The following COG5 variants were observed in gnomAD, a reference collection of about 807,000 sequenced individuals.
The protein encoded by COG5 is component of oligomeric golgi complex 5.
In COG5, 86 loss-of-function variants were observed where a neutral mutation model predicts 110.4. The ratio of observed to expected loss-of-function variants is 0.78; its 90% CI spans 0.65 to 0.93. The LOEUF (loss-of-function observed/expected upper bound fraction) is 0.93. Ranked by LOEUF, COG5 falls within the 40% of genes least tolerant of loss-of-function variation. The pLI, the probability that COG5 is intolerant of heterozygous loss-of-function variation, is 0.00. For missense variants in COG5, 1,077 were observed against 987.0 expected (o/e 1.09, Z -1.22); for synonymous variants, 360 against 334.6 (o/e 1.08, Z -0.83).
Position 107,548,282 on chromosome 7 carries a change from C to G in COG5, c.343G>C (p.Asp115His). 6.2e-7 allele frequency: 1 copy of G among 1,612,564 alleles called. No homozygotes were observed. The highest frequency in any genetic ancestry group is 8.5e-7 in the Non-Finnish European group (1 of 1,178,640). The change falls in exon 4 of 22, where the codon GAT becomes CAT. Residue 115 changes from aspartate to histidine, a missense_variant. By Grantham distance (81) the Asp-to-His change is moderately conservative (BLOSUM62 -1). Coordinates refer to ENST00000297135, the MANE Select transcript of COG5 (RefSeq NM_006348.5). Reference sequence around the variant, plus strand: ...TTATAAAATTAAGAACAGTACCTATCAACAGCTCCCTGTAAAGCCCCAATT... The same window carrying G: ...TTATAAAATTAAGAACAGTACCTATGAACAGCTCCCTGTAAAGCCCCAATT... ...TRIGALQGAV[D>H]RIKAKIVEPY...
intron 14 of COG5, among the ~76,000 whole-genome samples, chr7:107,276,811 A>G (rs1230149103): frequency 6.6e-6 from 1 of 152,232 alleles, no homozygotes; most frequent in Non-Finnish European, 1.5e-5. Context: ...CTATAGGTAT[A>G]TGTGTATTTG....
At chr7:107,512,753 A>G (rs1270892108) in intron 6 of COG5, among the ~76,000 whole-genome samples, 3 of 152,184 alleles carry the variant, frequency 2.0e-5, no homozygotes, top group Non-Finnish European at 4.4e-5. Context: ...CATATCTACA[A>G]CCATCTGATC....
intron 7 of COG5, among the ~76,000 whole-genome samples, chr7:107,397,935 G>T (rs1483234260): frequency 2.6e-5 from 4 of 151,894 alleles, no homozygotes; most frequent in African/African-American, 9.7e-5. Context: ...AAAAAAAAAG[G>T]TCTTTTTCAA....
At chr7:107,294,779 G>A (rs555981604) in intron 12 of COG5, among the ~76,000 whole-genome samples, 1 of 136,218 alleles carries the variant, frequency 7.3e-6, no homozygotes, top group South Asian at 2.3e-4. Context: ...GCAGTGGCGC[G>A]ATCTCAGCTC....
At chr7:107,556,623 C>A (rs1362952509) in intron 2 of COG5, among the ~76,000 whole-genome samples, 1 of 152,192 alleles carries the variant, frequency 6.6e-6, no homozygotes, top group Admixed American at 6.5e-5. Context: ...TTACACTGTT[C>A]TATTTAAAAC....
intron 19 of COG5, among the ~76,000 whole-genome samples, chr7:107,225,425 A>G (rs1005015789): frequency 6.6e-6 from 1 of 152,042 alleles, no homozygotes; most frequent in Admixed American, 6.5e-5. Context: ...TAAAAACCCT[A>G]AAAAAAACCC....
intron 18 of COG5, among the ~76,000 whole-genome samples, chr7:107,233,927 C>T (rs957320659): frequency 4.6e-5 from 7 of 152,128 alleles, no homozygotes; most frequent in Middle Eastern, 3.4e-3. Flanking sequence ...CCAAACCAAA[C>T]GAAATAAAAC....
At chr7:107,322,248 A>G (rs1361009114) in intron 11 of COG5, among the ~76,000 whole-genome samples, 1 of 152,194 alleles carries the variant, frequency 6.6e-6, no homozygotes, top group Non-Finnish European at 1.5e-5. Context: ...CTCATGAATG[A>G]GATTAGTGCA....
chr7:107,410,237 TA>T (rs1792181503), intron 7 of COG5, among the ~76,000 whole-genome samples: 1 of 152,220 alleles, frequency 6.6e-6, no homozygotes, highest in African/African-American at 2.4e-5. Flanking sequence ...ATCTGTGTTT[TA>T]ACCAGTCCTC....
chr7:107,291,462 C>T (rs1032260263), intron 12 of COG5, among the ~76,000 whole-genome samples: 2 of 152,124 alleles, frequency 1.3e-5, no homozygotes, highest in African/African-American at 4.8e-5. Context: ...TGCTTTTTAT[C>T]TGTTTAGTGA....
chr7:107,246,601 C>T (rs879168748), intron 17 of COG5, among the ~76,000 whole-genome samples: 1 of 152,072 alleles, frequency 6.6e-6, no homozygotes, highest in Admixed American at 6.6e-5. Context: ...ATACATGCAG[C>T]CAGCAATCAC....
At chr7:107,314,095 T>A (rs1234218744) in intron 11 of COG5, among the ~76,000 whole-genome samples, 1 of 152,042 alleles carries the variant, frequency 6.6e-6, no homozygotes, top group Non-Finnish European at 1.5e-5. Flanking sequence ...CATGCAGCAA[T>A]ATGGGGGACT....
At chr7:107,413,055 G>C (rs187922013) in intron 6 of COG5, among the ~76,000 whole-genome samples, 2 of 152,080 alleles carry the variant, frequency 1.3e-5, no homozygotes, top group Admixed American at 1.3e-4. Flanking sequence ...GCTCAGGCTG[G>C]AGTGTAGTGG....
intron 6 of COG5, among the ~76,000 whole-genome samples, chr7:107,494,045 T>C (rs1050372825): frequency 6.6e-6 from 1 of 152,192 alleles, no homozygotes; most frequent in African/African-American, 2.4e-5. Context: ...GTAAAGGTAC[T>C]TGACAACATT....
At chr7:107,455,290 C>A (rs1012740709) in intron 6 of COG5, among the ~76,000 whole-genome samples, 5 of 151,926 alleles carry the variant, frequency 3.3e-5, no homozygotes, top group African/African-American at 1.2e-4. Flanking sequence ...TAGGCTTAAA[C>A]GAAAGGACAT....
At chr7:107,382,186 T>C (rs1227425838) in intron 7 of COG5, among the ~76,000 whole-genome samples, 2 of 152,278 alleles carry the variant, frequency 1.3e-5, no homozygotes, top group Non-Finnish European at 1.5e-5. Context: ...CAGTAAAGAA[T>C]GTCCCTTTCT....
intron 6 of COG5, among the ~76,000 whole-genome samples, chr7:107,490,825 C>A (rs1222082067): frequency 6.6e-6 from 1 of 152,044 alleles, no homozygotes; most frequent in Non-Finnish European, 1.5e-5. Flanking sequence ...AATTACACAG[C>A]AGAAATGATT....
rs1357274306 is a variant in COG5 at position 107,203,155 on chromosome 7, A to T, written c.*361T>A. Reference sequence around the variant, plus strand: ...TAGTGAAGAAGGCAGGGTTGGGGGAAGCAGGGTACATGTTATAACTTGATC... The same window carrying T: ...TAGTGAAGAAGGCAGGGTTGGGGGATGCAGGGTACATGTTATAACTTGATC... On this transcript the variant is annotated 3_prime_UTR_variant, in exon 22 of 22. Coordinates refer to ENST00000297135, the MANE Select transcript of COG5 (RefSeq NM_006348.5). 1 of 268,106 alleles carries T rather than the reference A, an allele frequency of 3.7e-6. No homozygotes were observed. Among genetic ancestry groups the T allele is most frequent in the Non-Finnish European group, 7.3e-6 (1 of 136,906 alleles). 16.6% of individuals were successfully genotyped at this position (268,106 alleles called of 1,614,324 possible).
intron 7 of COG5, among the ~76,000 whole-genome samples, chr7:107,389,616 T>A (rs772877517): frequency 6.6e-6 from 1 of 152,198 alleles, no homozygotes; most frequent in Non-Finnish European, 1.5e-5. Context: ...GACAAGCCCG[T>A]GGCCTCCAGT....
Sources: allele counts gnomAD v4.1 joint callset (sites outside exome capture counted in the v4.1 genomes callset), GRCh38; gene constraint gnomAD v4.1.1; transcripts MANE v1.5; gene names NCBI Gene and HGNC (gene_info 2026-07-23, HGNC 2026-07-21).